The following PDSS1 variants were observed in gnomAD, a reference collection of about 807,000 sequenced individuals.
The protein encoded by PDSS1 is all trans-polyprenyl-diphosphate synthase PDSS1.
Under a neutral mutation model 57.5 loss-of-function variants are expected in PDSS1, and 43 were observed. That is an observed-to-expected ratio of 0.75 (90% CI 0.59 to 0.96). The LOEUF (loss-of-function observed/expected upper bound fraction) is 0.96. PDSS1 is among the 50% of genes least tolerant of loss of function. PDSS1 has a pLI of 0.00. For synonymous variants in PDSS1, 175 were observed against 191.3 expected, an observed-to-expected ratio of 0.91 and a Z score of 0.70; for missense variants, 438 against 527.8, an observed-to-expected ratio of 0.83 and a Z score of 1.67.
At chr10:26,738,428 C>T (rs1836474792) in intron 10 of PDSS1, among the ~76,000 whole-genome samples, 1 of 152,146 alleles carries the variant, frequency 6.6e-6, no homozygotes, top group Non-Finnish European at 1.5e-5. Context: ...AGTGTTATTG[C>T]CACTGGTAAT....
At chr10:26,698,805 G>A (rs1834957487) in intron 1 of PDSS1, among the ~76,000 whole-genome samples, 1 of 152,186 alleles carries the variant, frequency 6.6e-6, no homozygotes, top group South Asian at 2.1e-4. Context: ...TTGTACCAAA[G>A]TAGATGCGTA....
chr10:26,740,491 T>G (rs1451499365), intron 10 of PDSS1, among the ~76,000 whole-genome samples: 2 of 152,232 alleles, frequency 1.3e-5, no homozygotes, highest in Non-Finnish European at 2.9e-5. Context: ...CTCCACATGT[T>G]TAGAGCTTTG....
At chr10:26,742,424 C>T in intron 10 of PDSS1, 73 bp from the exon 11 acceptor site, 1 of 1,047,074 alleles carries the variant, frequency 9.6e-7, no homozygotes. Context: ...TTGTTACAAA[C>T]TAGTGTTAGA....
chr10:26,720,381 A>T (rs189215146), intron 6 of PDSS1, 22 bp downstream of exon 6: 86 of 1,502,264 alleles, frequency 5.7e-5, no homozygotes, highest in African/African-American at 2.3e-4. Flanking sequence ...TGGTTTTTTT[A>T]AAATCTCTCT....
intron 1 of PDSS1, among the ~76,000 whole-genome samples, chr10:26,699,764 G>A (rs144848246): frequency 6.6e-6 from 1 of 152,118 alleles, no homozygotes; most frequent in Admixed American, 6.6e-5. Context: ...GTGCTTTTCT[G>A]GAGAGAATAT....
At chr10:26,733,628 C>G (rs1039114557) in intron 8 of PDSS1, among the ~76,000 whole-genome samples, 1 of 152,136 alleles carries the variant, frequency 6.6e-6, no homozygotes, top group Non-Finnish European at 1.5e-5. Context: ...GTGGACACTG[C>G]CAAGGCTCCT....
Position 26,720,248 on chromosome 10 carries a change from C to G in PDSS1, c.498C>G (p.Ala166=). ...TGCAAGCCAGCCAGCGCGCCATAGC[C>G]TTAATTGCAGAAATGATCCACACTG... ...RHVQASQRAI[A]LIAEMIHTAS... is the part of the protein sequence containing the mutation. Residue 166 remains alanine, a synonymous_variant, in exon 6 of 12, where the codon GCC becomes GCG. Coordinates refer to ENST00000376215, the MANE Select transcript of PDSS1 (RefSeq NM_014317.5). 1 of 1,613,560 alleles carries G rather than the reference C, an allele frequency of 6.2e-7. No homozygotes were observed. Among genetic ancestry groups the G allele is most frequent in the Middle Eastern group, 1.8e-4 (1 of 5,680 alleles).
chr10:26,701,959 CAG>C (rs2132208484), intron 1 of PDSS1: 1 of 418,104 alleles, frequency 2.4e-6, no homozygotes, highest in Admixed American at 2.6e-5. Flanking sequence ...CCCTTTGCAT[CAG>C]TGTGACCTAG....
chr10:26,728,772 ATC>A (rs1322029725), intron 8 of PDSS1, among the ~76,000 whole-genome samples: 71 of 79,186 alleles, frequency 9.0e-4, no homozygotes, highest in African/African-American at 3.4e-3. Flanking sequence ...TTTATTCTGT[ATC>A]TTTTTTTTTT....
At chr10:26,729,528 G>T (rs957564805) in intron 8 of PDSS1, among the ~76,000 whole-genome samples, 1 of 152,126 alleles carries the variant, frequency 6.6e-6, no homozygotes, top group African/African-American at 2.4e-5. Flanking sequence ...CCCAAACAGT[G>T]AGAGACCTGG....
At chr10:26,704,212 T>G (rs796528965) in intron 2 of PDSS1, among the ~76,000 whole-genome samples, 14 of 152,214 alleles carry the variant, frequency 9.2e-5, no homozygotes, top group African/African-American at 3.4e-4. Flanking sequence ...ATAACTACTT[T>G]TAACACCCTG....
At chr10:26,723,243 C>T (rs1377519295) in intron 6 of PDSS1, among the ~76,000 whole-genome samples, 1 of 152,112 alleles carries the variant, frequency 6.6e-6, no homozygotes, top group Non-Finnish European at 1.5e-5. Flanking sequence ...ACCAATTATG[C>T]AAATAAGTCC....
Position 26,719,196 on chromosome 10 carries a change from A to G in PDSS1, c.468-1022A>G, listed in dbSNP as rs543919449. 1.2e-4 allele frequency among the ~76,000 whole-genome samples: 19 copies of G among 152,308 alleles called. No homozygotes were observed. The East Asian group carries it at 3.1e-3, about 25-fold the overall frequency. ...AATGAGGATATGTTTTAGGTTCCAA[A>G]TGGTTATTTCGCCAGTTTGATTTTC... On this transcript the variant is annotated intron_variant, in intron 5 of 11. Coordinates refer to ENST00000376215, the MANE Select transcript of PDSS1 (RefSeq NM_014317.5).
At chr10:26,744,476 C>T (rs535965004) in intron 11 of PDSS1, among the ~76,000 whole-genome samples, 9 of 152,148 alleles carry the variant, frequency 5.9e-5, no homozygotes, top group East Asian at 1.9e-4. Context: ...CTGCAACCTC[C>T]GCCTCCCGGG....
At chr10:26,704,119 C>T (rs987458621) in intron 2 of PDSS1, among the ~76,000 whole-genome samples, 2 of 89,400 alleles carry the variant, frequency 2.2e-5, no homozygotes, top group Non-Finnish European at 4.9e-5. Context: ...TAGAGCAATA[C>T]ATGTTCATTA....
At position 26,704,733 on chromosome 10, in the gene PDSS1, T is replaced by C; in HGVS notation, c.219T>C (p.Arg73=). 7.1e-7 allele frequency: 1 copy of C among 1,411,126 alleles called. No homozygotes were observed. The allele number at this position is 1,411,126 out of a possible 1,614,324, so 87.4% of individuals were successfully genotyped here. Residue 73 remains arginine, a synonymous_variant, in exon 3 of 12, where the codon CGT becomes CGC. Coordinates refer to ENST00000376215, the MANE Select transcript of PDSS1 (RefSeq NM_014317.5). ...CATCTGCCTGTCCAAATGTATGTCG[T>C]ATATCACGGTAAGTTTACAGTCCAT... ...HLTSACPNVC[R]ISRFHHTTPD... is the part of the protein sequence containing the mutation.
chr10:26,723,434 G>C (rs975350605), intron 6 of PDSS1, among the ~76,000 whole-genome samples: 1 of 152,144 alleles, frequency 6.6e-6, no homozygotes, highest in African/African-American at 2.4e-5. Flanking sequence ...TGGGGAGATG[G>C]ACATGGTCAT....
chr10:26,737,184 A>T (rs927001975), intron 10 of PDSS1, among the ~76,000 whole-genome samples: 21 of 152,148 alleles, frequency 1.4e-4, no homozygotes, highest in African/African-American at 4.8e-4. Context: ...TATTTGTAAA[A>T]ATCTTCAAAT....
At chr10:26,717,248 G>GTTTTTTTTTTTTTT (rs1564423678) in intron 5 of PDSS1, among the ~76,000 whole-genome samples, 1 of 150,990 alleles carries the variant, frequency 6.6e-6, no homozygotes, top group African/African-American at 2.4e-5. Context: ...TTATTTATTC[G>GTTTTTTTTTTTTTT]GAGACAGAGT....
Sources: allele counts gnomAD v4.1 joint callset (sites outside exome capture counted in the v4.1 genomes callset), GRCh38; gene constraint gnomAD v4.1.1; transcripts MANE v1.5; gene names NCBI Gene and HGNC (gene_info 2026-07-23, HGNC 2026-07-21).